The following RBFOX1 variants were observed in gnomAD, a reference collection of about 807,000 sequenced individuals.
The protein encoded by RBFOX1 is RNA binding fox-1 homolog 1, also known as RNA binding protein fox-1 homolog 1.
In RBFOX1, 8 loss-of-function variants were observed where a neutral mutation model predicts 57.7. That is an observed-to-expected ratio of 0.14 (90% confidence interval 0.08 to 0.25). The LOEUF is 0.25. Ranked by LOEUF, RBFOX1 falls within the 10% of genes least tolerant of loss-of-function variation. The probability of loss-of-function intolerance (pLI) is 1.00; values close to 1 mark genes in which losing one functional copy is unlikely to be tolerated. For synonymous variants in RBFOX1, 326 were observed against 222.4 expected (o/e 1.47, Z -4.15); for missense variants, 611 against 548.5 (o/e 1.11, Z -1.14).
chr16:7,572,770 C>T (rs933229372), intron 5 of RBFOX1, among the ~76,000 whole-genome samples: 1 of 151,978 alleles, frequency 6.6e-6, no homozygotes, highest in Non-Finnish European at 1.5e-5. Context: ...ACCCAGGAGG[C>T]AGAGCTTGCA....
At chr16:5,317,574 A>C (rs185275274) in intron 1 of RBFOX1, among the ~76,000 whole-genome samples, 22 of 152,256 alleles carry the variant, frequency 1.4e-4, no homozygotes, top group African/African-American at 5.3e-4. Context: ...ACGCCGTTGC[A>C]CTCCAGCCTG....
chr16:6,690,441 C>G (rs535306662), intron 3 of RBFOX1, among the ~76,000 whole-genome samples: 1 of 152,034 alleles, frequency 6.6e-6, no homozygotes, highest in Admixed American at 6.5e-5. Context: ...ATTTGAAATG[C>G]AAAATGATTT....
At chr16:5,553,071 G>T (rs2045525928) in intron 2 of RBFOX1, among the ~76,000 whole-genome samples, 1 of 152,080 alleles carries the variant, frequency 6.6e-6, no homozygotes, top group Non-Finnish European at 1.5e-5. Flanking sequence ...TCATAGGTGG[G>T]AATTGAACAA....
intron 2 of RBFOX1, among the ~76,000 whole-genome samples, chr16:5,586,724 C>T (rs1490530844): frequency 6.6e-6 from 1 of 152,112 alleles, no homozygotes; most frequent in South Asian, 2.1e-4. Context: ...GTCTTGAACT[C>T]GTGGCGTCAA....
At chr16:5,497,625 A>AAAAAAAAAAAAAAG (rs1324099721) in intron 2 of RBFOX1, among the ~76,000 whole-genome samples, 1 of 142,220 alleles carries the variant, frequency 7.0e-6, no homozygotes, top group African/African-American at 2.9e-5. Flanking sequence ...AAAAATACAA[A>AAAAAAAAAAAAAAG]AAAAAAAAAA....
At chr16:6,735,113 C>T (rs2069777531) in intron 3 of RBFOX1, among the ~76,000 whole-genome samples, 1 of 152,116 alleles carries the variant, frequency 6.6e-6, no homozygotes, top group Admixed American at 6.5e-5. Context: ...CAACTGTATA[C>T]ACTCCAGCCT....
chr16:7,361,604 G>C (rs769884596), intron 4 of RBFOX1, among the ~76,000 whole-genome samples: 2 of 152,152 alleles, frequency 1.3e-5, no homozygotes, highest in Non-Finnish European at 2.9e-5. Context: ...TACTTATAGG[G>C]ATAACTAAAG....
At chr16:6,166,224 C>T (rs1032421064) in intron 1 of RBFOX1, among the ~76,000 whole-genome samples, 2 of 152,146 alleles carry the variant, frequency 1.3e-5, no homozygotes, top group African/African-American at 4.8e-5. Context: ...ACGTCTTCCA[C>T]CTCACAGGCC....
chr16:7,073,474 A>G (rs117447722), intron 4 of RBFOX1, among the ~76,000 whole-genome samples: 2,067 of 152,248 alleles, frequency 0.014, 24 homozygotes, highest in Non-Finnish European at 0.021. Context: ...AGACGATATA[A>G]TTCAGACCCC....
chr16:5,881,970 C>T (rs1300969861), intron 4 of RBFOX1, among the ~76,000 whole-genome samples: 1 of 152,130 alleles, frequency 6.6e-6, no homozygotes, highest in East Asian at 1.9e-4. Flanking sequence ...TTAAGCACTC[C>T]CTTGGTGCCA....
chr16:5,883,377 C>A (rs1258672348), intron 4 of RBFOX1, among the ~76,000 whole-genome samples: 3 of 152,148 alleles, frequency 2.0e-5, no homozygotes, highest in African/African-American at 7.2e-5. Flanking sequence ...TCCTATTCCT[C>A]ATAATACTTT....
chr16:5,543,048 A>G (rs1240511837), intron 2 of RBFOX1, among the ~76,000 whole-genome samples: 1 of 152,208 alleles, frequency 6.6e-6, no homozygotes, highest in Non-Finnish European at 1.5e-5. Context: ...GTGGGGAATA[A>G]TTAATCATAG....
At chr16:6,106,610 A>AG (rs1338335428) in intron 1 of RBFOX1, among the ~76,000 whole-genome samples, 6 of 152,158 alleles carry the variant, frequency 3.9e-5, no homozygotes, top group African/African-American at 1.4e-4. Context: ...TTCATTGCCA[A>AG]GGGGTATGGT....
chr16:7,324,195 G>A (rs1333121114), intron 4 of RBFOX1, among the ~76,000 whole-genome samples: 1 of 152,154 alleles, frequency 6.6e-6, no homozygotes, highest in Non-Finnish European at 1.5e-5. Context: ...TCCATGCAAA[G>A]TATGCCTTGC....
At chr16:5,372,633 G>A (rs1168886432) in intron 1 of RBFOX1, among the ~76,000 whole-genome samples, 1 of 152,084 alleles carries the variant, frequency 6.6e-6, no homozygotes, top group African/African-American at 2.4e-5. Flanking sequence ...CTACTATCGT[G>A]GCAGCTTCAT....
intron 4 of RBFOX1, among the ~76,000 whole-genome samples, chr16:7,272,275 CCCTGGTT>C (rs2095337477): frequency 6.6e-6 from 1 of 152,174 alleles, no homozygotes; most frequent in Admixed American, 6.5e-5. Flanking sequence ...ACCTCCACCT[CCCTGGTT>C]CAAGTGATTG....
chr16:6,948,818 A>G (rs1041444488), intron 3 of RBFOX1, among the ~76,000 whole-genome samples: 5 of 152,170 alleles, frequency 3.3e-5, no homozygotes, highest in African/African-American at 1.2e-4. Flanking sequence ...CCTAAATCCT[A>G]GAGAGATGAT....
chr16:7,685,990 C>G (rs1410019613), intron 14 of RBFOX1, among the ~76,000 whole-genome samples: 1 of 152,038 alleles, frequency 6.6e-6, no homozygotes, highest in Non-Finnish European at 1.5e-5. Flanking sequence ...GGCAGGCCAA[C>G]ATTGAGCTAG....
intron 1 of RBFOX1, chr16:5,366,286 G>A: frequency 5.3e-6 from 2 of 374,766 alleles, no homozygotes; most frequent in South Asian, 2.2e-5. Context: ...GATGATGCTG[G>A]TCATGACGAT....
Sources: allele counts gnomAD v4.1 joint callset (sites outside exome capture counted in the v4.1 genomes callset), GRCh38; gene constraint gnomAD v4.1.1; transcripts MANE v1.5; gene names NCBI Gene and HGNC (gene_info 2026-07-23, HGNC 2026-07-21).